The following ARRB1 variants were observed in gnomAD, a reference collection of about 807,000 sequenced individuals.
ARRB1 encodes beta-arrestin-1.
ARRB1 carries 21 observed loss-of-function variants against 56.8 expected under a neutral mutation model. That is an observed-to-expected ratio of 0.37 (90% CI 0.26 to 0.53). The LOEUF is 0.53. Among genes scored for constraint, ARRB1 ranks in the 20% least tolerant of loss-of-function variants. The pLI, the probability that ARRB1 is intolerant of heterozygous loss-of-function variation, is 0.88. For missense variants in ARRB1, 424 were observed against 553.7 expected (o/e 0.77, Z 2.35); for synonymous variants, 210 against 218.6 (o/e 0.96, Z 0.35).
chr11:75,287,225 C>T (rs945047733), intron 3 of ARRB1, 90 bp downstream of exon 3: 24 of 1,362,162 alleles, frequency 1.8e-5, no homozygotes, highest in South Asian at 5.7e-5. Context: ...TTCTTGGCAC[C>T]GGGCCCCTCT....
intron 1 of ARRB1, among the ~76,000 whole-genome samples, chr11:75,305,637 A>G (rs982567672): frequency 1.3e-5 from 2 of 152,192 alleles, no homozygotes; most frequent in African/African-American, 4.8e-5. Context: ...TAAGTAGAGA[A>G]GATAAATTCA....
At chr11:75,307,251 T>G (rs1947053883) in intron 1 of ARRB1, among the ~76,000 whole-genome samples, 1 of 151,970 alleles carries the variant, frequency 6.6e-6, no homozygotes, top group Non-Finnish European at 1.5e-5. Context: ...GGGGTCAAAG[T>G]GAAGGGGTCA....
intron 14 of ARRB1, 48 bp downstream of exon 14, chr11:75,268,828 ACAGGGTCACGTGG>A: frequency 6.4e-7 from 1 of 1,570,452 alleles, no homozygotes; most frequent in Non-Finnish European, 8.6e-7. Context: ...GGGGTGGGTT[ACAGGGTCACGTGG>A]CAGCTGCTAG....
At chr11:75,342,733 A>G (rs1048876825) in intron 1 of ARRB1, among the ~76,000 whole-genome samples, 3 of 152,148 alleles carry the variant, frequency 2.0e-5, no homozygotes, top group African/African-American at 7.2e-5. Context: ...CCGGGAGAGA[A>G]TGGCTCCGTG....
At chr11:75,312,326 C>T (rs1028573905) in intron 1 of ARRB1, among the ~76,000 whole-genome samples, 2 of 152,156 alleles carry the variant, frequency 1.3e-5, no homozygotes, top group Admixed American at 6.5e-5. Context: ...CCCTGACCGC[C>T]GAAGGGACAG....
At chr11:75,310,661 A>C (rs1000916945) in intron 1 of ARRB1, among the ~76,000 whole-genome samples, 2 of 152,142 alleles carry the variant, frequency 1.3e-5, no homozygotes, top group African/African-American at 2.4e-5. Flanking sequence ...CCTCATGAGG[A>C]AACCTCATGA....
chr11:75,346,930 C>T (rs1947777701), intron 1 of ARRB1, among the ~76,000 whole-genome samples: 1 of 152,168 alleles, frequency 6.6e-6, no homozygotes, highest in Non-Finnish European at 1.5e-5. Context: ...GGCTCCCTCA[C>T]CAAGCTGCTC....
chr11:75,350,978 G>A (rs1379892284), intron 1 of ARRB1, among the ~76,000 whole-genome samples: 3 of 152,202 alleles, frequency 2.0e-5, no homozygotes, highest in Admixed American at 1.3e-4. Flanking sequence ...CGCTGTGTTG[G>A]TGAGACATGC....
chr11:75,324,143 G>A (rs1431729123), intron 1 of ARRB1, among the ~76,000 whole-genome samples: 1 of 152,174 alleles, frequency 6.6e-6, no homozygotes, highest in African/African-American at 2.4e-5. Flanking sequence ...GTCTAATGTG[G>A]AGGGTTTTGT....
intron 1 of ARRB1, among the ~76,000 whole-genome samples, chr11:75,321,735 G>A (rs1043073808): frequency 2.0e-5 from 3 of 152,182 alleles, no homozygotes; most frequent in Non-Finnish European, 2.9e-5. Context: ...AGGATTAAGT[G>A]AGTGTAGTGT....
At chr11:75,340,278 G>A (rs1408825056) in intron 1 of ARRB1, among the ~76,000 whole-genome samples, 1 of 152,222 alleles carries the variant, frequency 6.6e-6, no homozygotes, top group Non-Finnish European at 1.5e-5. Context: ...GAGTTGGAGG[G>A]GACAATGCTC....
At chr11:75,300,962 C>A (rs1946888244) in intron 1 of ARRB1, among the ~76,000 whole-genome samples, 2 of 116,638 alleles carry the variant, frequency 1.7e-5, no homozygotes, top group East Asian at 2.2e-4. Context: ...AGCGAGACTC[C>A]GTCTCAAAAA....
At chr11:75,327,499 T>C (rs1591979461) in intron 1 of ARRB1, among the ~76,000 whole-genome samples, 3 of 151,610 alleles carry the variant, frequency 2.0e-5, no homozygotes, top group African/African-American at 7.3e-5. Context: ...GGTGCAGTGG[T>C]TCATGCCTGT....
chr11:75,340,429 C>G (rs1013596174), intron 1 of ARRB1, among the ~76,000 whole-genome samples: 3 of 152,246 alleles, frequency 2.0e-5, no homozygotes, highest in African/African-American at 7.2e-5. Flanking sequence ...AATGCAGCAC[C>G]TCCTCCAAGG....
chr11:75,289,385 G>A (rs1424184537), intron 2 of ARRB1, among the ~76,000 whole-genome samples: 1 of 152,154 alleles, frequency 6.6e-6, no homozygotes, highest in African/African-American at 2.4e-5. Flanking sequence ...AGCCCCAATG[G>A]CCCCGTATCT....
chr11:75,266,201 C>T lies in ARRB1; in HGVS notation c.1219G>A (p.Glu407Lys), dbSNP rs2140390446. The change falls in exon 16 of 16, where the codon GAG (glutamate) becomes AAG (lysine). Residue 407 changes from glutamate to lysine, a missense_variant. Transcript: ENST00000420843. ...AGCTGTGGAGAGCCGGTACCATCCT[C>T]CTCTTCCTCCTTGTCATCCTTCATG... Reference protein sequence around the residue: ...KGMKDDKEEEEDGTGSPQLNN... With the variant: ...KGMKDDKEEEKDGTGSPQLNN... The T allele has an allele frequency of 1.2e-6, 2 of 1,614,238 alleles. No homozygotes were observed. Among genetic ancestry groups the T allele is most frequent in the South Asian group, 1.1e-5 (1 of 91,090 alleles).
At chr11:75,323,931 C>T (rs1054353248) in intron 1 of ARRB1, among the ~76,000 whole-genome samples, 4 of 151,894 alleles carry the variant, frequency 2.6e-5, no homozygotes, top group Admixed American at 6.6e-5. Context: ...ATTAACGAAT[C>T]GAGATACTAC....
chr11:75,284,420 AG>A (rs1366183796), intron 3 of ARRB1, 141 bp from the exon 4 acceptor site: 1 of 774,448 alleles, frequency 1.3e-6, no homozygotes, highest in East Asian at 2.9e-5. Flanking sequence ...GGGCACCTAG[AG>A]GGTGGCACTG....
intron 1 of ARRB1, among the ~76,000 whole-genome samples, chr11:75,294,662 T>G (rs935606200): frequency 6.6e-6 from 1 of 152,106 alleles, no homozygotes; most frequent in Non-Finnish European, 1.5e-5. Context: ...AATATAAGCA[T>G]GCACTGCAGG....
Sources: gnomAD v4.1 joint callset for allele counts (sites outside exome capture counted in the v4.1 genomes callset) on GRCh38, gnomAD v4.1.1 for gene constraint, MANE v1.5 for transcripts, NCBI Gene and HGNC (gene_info 2026-07-23, HGNC 2026-07-21) for gene names.